The following WDR88 variants were observed in gnomAD, a reference collection of about 807,000 sequenced individuals.
The protein encoded by WDR88 is WD repeat domain 88.
WDR88 carries 40 observed loss-of-function variants against 46.8 expected under a neutral mutation model. The ratio of observed to expected loss-of-function variants is 0.86; its 90% CI spans 0.66 to 1.11. The LOEUF (loss-of-function observed/expected upper bound fraction) is 1.11, where lower values mean the gene tolerates loss of function less well. Ranked by LOEUF, WDR88 falls within the 50% of genes most tolerant of loss-of-function variation. WDR88 has a pLI of 0.00. For missense variants in WDR88, 562 were observed against 602.4 expected, an observed-to-expected ratio of 0.93 and a Z score of 0.70; for synonymous variants, 235 against 240.7, an observed-to-expected ratio of 0.98 and a Z score of 0.22.
chr19:33,174,148 C>G (rs1271351783), intron 10 of WDR88: 1 of 1,535,820 alleles, frequency 6.5e-7, no homozygotes, highest in Non-Finnish European at 8.7e-7. Flanking sequence ...TATCCGCACC[C>G]AAACTGGGAT....
chr19:33,174,976 T>C (rs994089171), intron 10 of WDR88: 48 of 985,288 alleles, frequency 4.9e-5, no homozygotes, highest in Non-Finnish European at 5.5e-5. Flanking sequence ...GGCTCACGCC[T>C]GTAATCCCAG....
At chr19:33,166,745 C>G (rs868401590) in intron 9 of WDR88, among the ~76,000 whole-genome samples, 153 of 88,070 alleles carry the variant, frequency 1.7e-3, no homozygotes, top group African/African-American at 6.8e-3. Context: ...AACCCTGTCT[C>G]TACCAGAAAT....
intron 9 of WDR88, among the ~76,000 whole-genome samples, chr19:33,169,728 A>G (rs2145422933): frequency 6.7e-6 from 1 of 148,656 alleles, no homozygotes; most frequent in African/African-American, 2.4e-5. Context: ...TTTGATTTGT[A>G]GGCTTTATTT....
chr19:33,132,322 C>G lies in WDR88; in HGVS notation c.153C>G (p.His51Gln), dbSNP rs763306931. The change falls in exon 1 of 11, where the codon CAC becomes CAG. Residue 51 changes from histidine to glutamine, a missense_variant. By Grantham distance (24) the His-to-Gln change is conservative. Transcript: ENST00000355868. ...GCCGCTTCAAGCTGTCGATCCCGCA[C>G]ACGCACCTGCTGGCCACCCTCGACC... is the stretch of plus-strand genomic sequence containing the variant. ...ALGRFKLSIP[H>Q]THLLATLDPL... 2 of 1,614,008 alleles carry G rather than the reference C, an allele frequency of 1.2e-6. No individual in the cohort carries two copies. The highest frequency in any genetic ancestry group is 1.3e-5 in the African/African-American group (1 of 74,960).
At chr19:33,143,968 C>T (rs1269924064) in intron 2 of WDR88, among the ~76,000 whole-genome samples, 2 of 152,124 alleles carry the variant, frequency 1.3e-5, no homozygotes, top group Non-Finnish European at 2.9e-5. Context: ...ACCAGTATTT[C>T]CCCTTTAAAT....
At chr19:33,167,801 T>C (rs28818632) in intron 9 of WDR88, among the ~76,000 whole-genome samples, 2 of 151,386 alleles carry the variant, frequency 1.3e-5, no homozygotes, top group Middle Eastern at 3.4e-3. Context: ...CTCTCTTTCT[T>C]TCTTTCTAGG....
chr19:33,137,503 T>C (rs1973293915), intron 1 of WDR88, among the ~76,000 whole-genome samples, 174 bp from the exon 2 acceptor site: 1 of 152,084 alleles, frequency 6.6e-6, no homozygotes, highest in African/African-American at 2.4e-5. Context: ...TCTGCCTGCC[T>C]CGGCCTCCCA....
chr19:33,166,893 G>C (rs976525233), intron 9 of WDR88, among the ~76,000 whole-genome samples: 1 of 152,110 alleles, frequency 6.6e-6, no homozygotes, highest in South Asian at 2.1e-4. Flanking sequence ...TCTATCCTGG[G>C]TGACAGAGCT....
chr19:33,170,832 G>A (rs1361164120), intron 9 of WDR88, among the ~76,000 whole-genome samples: 3 of 151,944 alleles, frequency 2.0e-5, no homozygotes, highest in African/African-American at 7.3e-5. Context: ...ACTGCACTCG[G>A]GCCTGGGTGA....
intron 5 of WDR88, 59 bp downstream of exon 5, chr19:33,148,969 T>C: frequency 6.2e-7 from 1 of 1,603,858 alleles, no homozygotes. Context: ...CACTTGTCAC[T>C]GACTGACGGT....
At position 33,132,143 on chromosome 19, in the gene WDR88, G is replaced by A; in HGVS notation, c.-27G>A. The A allele has an allele frequency of 6.4e-7, 1 of 1,558,812 alleles. No homozygotes were observed. The highest frequency in any genetic ancestry group is 8.6e-7 in the Non-Finnish European group (1 of 1,157,044). Reference sequence around the variant, plus strand: ...CCACCGTTCCCATCCAGGCTTGTCGGCGGCCACCGGCGGACCGGGCTTCGA... The same window carrying A: ...CCACCGTTCCCATCCAGGCTTGTCGACGGCCACCGGCGGACCGGGCTTCGA... On this transcript the variant is annotated 5_prime_UTR_variant, in exon 1 of 11. Coordinates refer to ENST00000355868, the MANE Select transcript of WDR88 (RefSeq NM_173479.4).
intron 2 of WDR88, among the ~76,000 whole-genome samples, chr19:33,139,423 C>T (rs932706089): frequency 2.6e-5 from 4 of 152,128 alleles, no homozygotes; most frequent in Admixed American, 2.6e-4. Context: ...TGGGAGAGGA[C>T]GGTCAGTTGT....
At chr19:33,136,824 G>C (rs1334277900) in intron 1 of WDR88, among the ~76,000 whole-genome samples, 1 of 152,054 alleles carries the variant, frequency 6.6e-6, no homozygotes, top group East Asian at 1.9e-4. Context: ...TGATCCGCCT[G>C]CTTCAGCCTC....
chr19:33,132,161 G>A lies in WDR88; in HGVS notation c.-9G>A. ...CTTGTCGGCGGCCACCGGCGGACCG[G>A]GCTTCGAGATGGCCTCCCCGCCGCG... On this transcript the variant is annotated 5_prime_UTR_variant, in exon 1 of 11. Transcript: ENST00000355868. 1 of 1,580,448 alleles carries A rather than the reference G, an allele frequency of 6.3e-7. No individual in the cohort carries two copies. The highest frequency in any genetic ancestry group is 8.6e-7 in the Non-Finnish European group (1 of 1,166,546).
At chr19:33,148,182 G>A (rs539776397) in intron 4 of WDR88, among the ~76,000 whole-genome samples, 22 of 151,812 alleles carry the variant, frequency 1.4e-4, no homozygotes, top group Middle Eastern at 3.4e-3. Context: ...GTCACTCTCC[G>A]TCCATCCCAC....
intron 1 of WDR88, among the ~76,000 whole-genome samples, chr19:33,137,442 G>A (rs936373897): frequency 3.3e-5 from 5 of 151,902 alleles, no homozygotes; most frequent in African/African-American, 9.7e-5. Flanking sequence ...TAGTAGAGAT[G>A]GAGTTTTGCC....
Position 33,172,359 on chromosome 19 carries a change from G to A in WDR88, c.1161G>A (p.Met387Ile), listed in dbSNP as rs200368986. ...WILSASKDRT[M>I]RLWNIEEIDE... ...GCTATTTGTTTTAGGATAGGACCATGAGACTGTGGAATATTGAAGAAATTG... is the reference window on the plus strand; with the variant it reads ...GCTATTTGTTTTAGGATAGGACCATAAGACTGTGGAATATTGAAGAAATTG... Residue 387 changes from methionine (M) to isoleucine (I), a missense_variant, in exon 10 of 11, where the codon ATG (methionine) becomes ATA (isoleucine). By Grantham distance (10) the Met-to-Ile change is conservative. Transcript: ENST00000355868. The A allele has an allele frequency of 4.1e-5, 66 of 1,613,758 alleles. 1 individual carries two copies. Among genetic ancestry groups the A allele is most frequent in the Middle Eastern group, 1.7e-4 (1 of 6,030 alleles).
intron 1 of WDR88, among the ~76,000 whole-genome samples, chr19:33,136,858 T>C (rs909050181): frequency 1.2e-4 from 19 of 152,234 alleles, no homozygotes; most frequent in African/African-American, 4.6e-4. Context: ...ATTATAATTG[T>C]GAGCCACCAC....
At chr19:33,140,192 T>C (rs552798848) in intron 2 of WDR88, among the ~76,000 whole-genome samples, 1 of 152,304 alleles carries the variant, frequency 6.6e-6, no homozygotes, top group South Asian at 2.1e-4. Flanking sequence ...TCTTTCTCTG[T>C]CACCCAGGCT....
Sources: gnomAD v4.1 joint callset for allele counts (sites outside exome capture counted in the v4.1 genomes callset) on GRCh38, gnomAD v4.1.1 for gene constraint, MANE v1.5 for transcripts, NCBI Gene and HGNC (gene_info 2026-07-23, HGNC 2026-07-21) for gene names.